Variants in MRPS25 observed in about 807,000 individuals in gnomAD.
MRPS25 encodes small ribosomal subunit protein mS25.
MRPS25 carries 15 observed loss-of-function variants against 17.3 expected under a neutral mutation model. That is an observed-to-expected ratio of 0.87 (90% CI 0.58 to 1.34). The LOEUF is 1.34. MRPS25 is among the 40% of genes most tolerant of loss of function. MRPS25 has a pLI of 0.00. For synonymous variants in MRPS25, 94 were observed against 83.3 expected (o/e 1.13, Z -0.70); for missense variants, 225 against 218.6 (o/e 1.03, Z -0.19).
intron 1 of MRPS25, among the ~76,000 whole-genome samples, chr3:15,061,478 G>C (rs2042757292): frequency 6.6e-6 from 1 of 152,230 alleles, no homozygotes; most frequent in Non-Finnish European, 1.5e-5. Flanking sequence ...TCGGCCTCCA[G>C]AGGTGCCGGG....
At chr3:15,053,051 G>C (rs1169942749) in intron 3 of MRPS25, among the ~76,000 whole-genome samples, 1 of 152,170 alleles carries the variant, frequency 6.6e-6, no homozygotes, top group Non-Finnish European at 1.5e-5. Flanking sequence ...CTAGATGTCT[G>C]CTAGCTCCAA....
At chr3:15,060,903 T>C (rs1462405032) in intron 1 of MRPS25, among the ~76,000 whole-genome samples, 2 of 151,966 alleles carry the variant, frequency 1.3e-5, no homozygotes, top group African/African-American at 2.4e-5. Flanking sequence ...AATAAATAGT[T>C]AAGCCTTGAA....
Position 15,059,294 on chromosome 3 carries a change from G to C in MRPS25, c.241+75C>G. The C allele has an allele frequency of 9.8e-7, 1 of 1,021,452 alleles. No homozygotes were observed. The allele number at this position is 1,021,452 out of a possible 1,614,324, so 63.3% of individuals were successfully genotyped here. On this transcript the variant is annotated intron_variant, in intron 2 of 3. Coordinates refer to ENST00000253686, the MANE Select transcript of MRPS25 (RefSeq NM_022497.5). ...AGCGCACACTGCAGCTCATCCTGACGCTCCCATAGGAAGGACGCAGTCTCT... is the reference window on the plus strand; with the variant it reads ...AGCGCACACTGCAGCTCATCCTGACCCTCCCATAGGAAGGACGCAGTCTCT...
intron 1 of MRPS25, among the ~76,000 whole-genome samples, chr3:15,061,377 G>A (rs899282966): frequency 1.4e-4 from 22 of 152,210 alleles, no homozygotes; most frequent in African/African-American, 5.3e-4. Flanking sequence ...TGCCACGCCT[G>A]ACTGGTTTTC....
In MRPS25 at chr3:15,050,398, G is replaced by A. The variant is rs535046360; in HGVS notation, c.*2043C>T. On this transcript the variant is annotated 3_prime_UTR_variant, in exon 4 of 4. Transcript: ENST00000253686. ...ATGGTCACCACTCCTTTTGGTTCAG[G>A]ACATTCCTGCTGGTTAGCAGCCTCT... The A allele has an allele frequency of 5.9e-6, 6 of 1,010,732 alleles. No individual in the cohort carries two copies. In the African/African-American group the frequency reaches 7.0e-5, roughly 12 times the overall value. 62.6% of individuals were successfully genotyped at this position (1,010,732 alleles called of 1,614,324 possible).
In MRPS25 at chr3:15,050,423, T is replaced by TAGAGGG; in HGVS notation, c.*2017_*2018insCCCTCT. 1.0e-6 allele frequency: 1 copy of TAGAGGG among 1,002,400 alleles called. No homozygotes were observed. Among genetic ancestry groups the TAGAGGG allele is most frequent in the Non-Finnish European group, 1.2e-6 (1 of 842,326 alleles). The allele number at this position is 1,002,400 out of a possible 1,614,324, so 62.1% of individuals were successfully genotyped here. On this transcript the variant is annotated 3_prime_UTR_variant, in exon 4 of 4. Transcript: ENST00000253686. ...GACATTCCTGCTGGTTAGCAGCCTCTTTGGGCCCTAGAGGGAAGGAATACT... is the reference window on the plus strand; with the variant it reads ...GACATTCCTGCTGGTTAGCAGCCTCTAGAGGGTTGGGCCCTAGAGGGAAGGAATACT...
intron 2 of MRPS25, among the ~76,000 whole-genome samples, chr3:15,058,354 T>C (rs1413819056): frequency 2.0e-5 from 3 of 152,182 alleles, no homozygotes; most frequent in Non-Finnish European, 4.4e-5. Context: ...CACGCCCGGC[T>C]AATTTTTTAT....
chr3:15,061,963 G>A (rs2042770973), intron 1 of MRPS25, among the ~76,000 whole-genome samples: 1 of 149,562 alleles, frequency 6.7e-6, no homozygotes, highest in African/African-American at 2.5e-5. Context: ...TGAGAAGTGA[G>A]GAGCCCCTCC....
downstream of MRPS25, chr3:15,047,436 T>A (rs955590825): frequency 2.6e-5 from 4 of 152,222 alleles, no homozygotes; most frequent in African/African-American, 9.6e-5. Context: ...GTGGGAATTT[T>A]TAACCTTTTC....
intron 1 of MRPS25, among the ~76,000 whole-genome samples, chr3:15,063,625 G>A (rs1245788206): frequency 2.6e-5 from 4 of 152,134 alleles, no homozygotes; most frequent in African/African-American, 4.8e-5. Flanking sequence ...TTACCTAGAG[G>A]ACATTAAAAT....
chr3:15,057,420 T>C (rs1385827271), intron 2 of MRPS25, among the ~76,000 whole-genome samples: 1 of 152,228 alleles, frequency 6.6e-6, no homozygotes, highest in East Asian at 1.9e-4. Context: ...GGACACACTG[T>C]GGTACATTCA....
At chr3:15,044,598 A>G (rs985934299), downstream of MRPS25, 1 of 152,258 alleles carries the variant, frequency 6.6e-6, no homozygotes, top group Non-Finnish European at 1.5e-5. Context: ...TAAATAGTCC[A>G]GATTAAGAAA....
Position 15,051,379 on chromosome 3 carries a change from T to C in MRPS25, c.*1062A>G. ...TTGTACTTTTTGTAGAGACAAGGTC[T>C]TGCCATGTTGCCCAGGCTGGTCTCG... On this transcript the variant is annotated 3_prime_UTR_variant, in exon 4 of 4. Transcript: ENST00000253686. 1.7e-6 allele frequency: 1 copy of C among 590,974 alleles called. No homozygotes were observed. Among genetic ancestry groups the C allele is most frequent in the Non-Finnish European group, 2.1e-6 (1 of 469,794 alleles). 36.6% of individuals were successfully genotyped at this position (590,974 alleles called of 1,614,324 possible).
downstream of MRPS25, chr3:15,042,741 T>C (rs1443605785): frequency 1.8e-6 from 2 of 1,101,144 alleles, no homozygotes; most frequent in African/African-American, 3.1e-5. Context: ...GGTTTGATTC[T>C]GTGCAATACA....
chr3:15,060,020 A>G (rs1057409391), intron 1 of MRPS25, among the ~76,000 whole-genome samples: 1 of 151,876 alleles, frequency 6.6e-6, no homozygotes, highest in South Asian at 2.1e-4. Context: ...ATAGTATTCT[A>G]TTTGGCTCAA....
chr3:15,060,576 T>A (rs1003902116), intron 1 of MRPS25, among the ~76,000 whole-genome samples: 32 of 149,194 alleles, frequency 2.1e-4, no homozygotes, highest in African/African-American at 7.7e-4. Flanking sequence ...TATATGGGTA[T>A]AAGACTCAAA....
chr3:15,058,335 G>T (rs1001011629), intron 2 of MRPS25, among the ~76,000 whole-genome samples: 4 of 152,060 alleles, frequency 2.6e-5, no homozygotes, highest in Non-Finnish European at 4.4e-5. Context: ...GACTACAGGC[G>T]CCCACCACCA....
rs2042562343 is a variant in MRPS25, at chr3:15,049,249, C to T, written c.*3192G>A. The T allele has an allele frequency of 1.3e-5, 2 of 152,708 alleles. No homozygotes were observed. Among genetic ancestry groups the T allele is most frequent in the South Asian group, 2.1e-4 (1 of 4,838 alleles). 9.5% of individuals were successfully genotyped at this position (152,708 alleles called of 1,614,324 possible). A position where few individuals can be genotyped will look rare whatever the true frequency, so the allele number is the denominator to read the frequency against. On this transcript the variant is annotated 3_prime_UTR_variant, in exon 4 of 4. Coordinates refer to ENST00000253686, the MANE Select transcript of MRPS25 (RefSeq NM_022497.5). ...TACTACTACCTAAATGAGGTTTATA[C>T]TATTAAAAGTGAATTAAAGACTAAC...
At position 15,065,062 on chromosome 3, in the gene MRPS25, T is replaced by G; in HGVS notation, c.133A>C (p.Arg45=). 6.3e-7 allele frequency: 1 copy of G among 1,584,038 alleles called. No individual in the cohort carries two copies. The highest frequency in any genetic ancestry group is 1.1e-5 in the South Asian group (1 of 87,264). ...NTHGELGEGA[R]KFVFFNIPQI... ...CAGGCGGCCGGGGCTGCGACTGACC[T>G]GGCGCCCTCGCCCAGCTCCCCATGC... Residue 45 remains arginine (R), a splice_region_variant and synonymous_variant, in exon 1 of 4, where the codon AGG becomes CGG. Coordinates refer to ENST00000253686, the MANE Select transcript of MRPS25 (RefSeq NM_022497.5).
Sources: gnomAD v4.1 joint callset for allele counts (sites outside exome capture counted in the v4.1 genomes callset) on GRCh38, gnomAD v4.1.1 for gene constraint, MANE v1.5 for transcripts, NCBI Gene and HGNC (gene_info 2026-07-23, HGNC 2026-07-21) for gene names.